The following PCDHGB3 variants were observed in gnomAD, a reference collection of about 807,000 sequenced individuals.
PCDHGB3 encodes the protein protocadherin gamma subfamily B, 3, also known as protocadherin gamma-B3.
In PCDHGB3, 40 loss-of-function variants were observed where a neutral mutation model predicts 59.2. The observed-to-expected ratio is 0.68, with a 90% CI of 0.52 to 0.88. The LOEUF (loss-of-function observed/expected upper bound fraction) is 0.88, where lower values mean the gene tolerates loss of function less well. PCDHGB3 is among the 40% of genes least tolerant of loss of function. The pLI is 0.00. For synonymous variants in PCDHGB3, 581 were observed against 503.6 expected (o/e 1.15, Z -2.06); for missense variants, 1,309 against 1,187.9 (o/e 1.10, Z -1.50).
intron 3 of PCDHGB3, among the ~76,000 whole-genome samples, chr5:141,510,203 G>A (rs1164886289): frequency 6.6e-6 from 1 of 151,680 alleles, no homozygotes; most frequent in Non-Finnish European, 1.5e-5. Flanking sequence ...AGCCCAGGAG[G>A]CAGAGGTTGC....
intron 1 of PCDHGB3, chr5:141,441,743 C>G (rs1298220876): frequency 2.7e-6 from 1 of 367,284 alleles, no homozygotes; most frequent in Non-Finnish European, 5.4e-6. Flanking sequence ...AGCTCGCGCT[C>G]GGCGTCAACG....
chr5:141,433,204 C>T, intron 1 of PCDHGB3: 6 of 1,566,938 alleles, frequency 3.8e-6, no homozygotes, highest in Admixed American at 2.0e-5. Flanking sequence ...ATCAAATCTT[C>T]TTTCTTTTTT....
intron 1 of PCDHGB3, chr5:141,419,427 A>C: frequency 1.2e-6 from 2 of 1,613,290 alleles, no homozygotes; most frequent in Non-Finnish European, 1.7e-6. Context: ...TTCGACCACG[A>C]GCAGCTGCGC....
At position 141,486,637 on chromosome 5, in the gene PCDHGB3, G is replaced by C. The variant is rs761072169; in HGVS notation, c.2416-8170G>C. 28 of 1,613,638 alleles carry C rather than the reference G, an allele frequency of 1.7e-5. No homozygotes were observed. The highest frequency in any genetic ancestry group is 1.1e-5 in the Non-Finnish European group (13 of 1,180,034). ...CTGACCCAGACTCTGGCTTGAATGC[G>C]CTTATCTCCTACTCACTCCTGGAGC... On this transcript the variant is annotated intron_variant, in intron 1 of 3. Transcript: ENST00000576222. This position sits in a 1 kb window ranked among gnomAD's most constrained non-coding sequence, Gnocchi z 5.0.
chr5:141,463,764 G>A (rs2099069094), intron 1 of PCDHGB3, among the ~76,000 whole-genome samples: 1 of 151,916 alleles, frequency 6.6e-6, no homozygotes. Flanking sequence ...TTCTCTTATG[G>A]GTTAGAATCC....
chr5:141,400,521 G>A (rs1462677478), intron 1 of PCDHGB3: 5 of 1,613,972 alleles, frequency 3.1e-6, no homozygotes, highest in Non-Finnish European at 4.2e-6. Context: ...CCCATCCTGA[G>A]TTGGTGAGTT....
chr5:141,441,891 G>A, intron 1 of PCDHGB3: 1 of 348,040 alleles, frequency 2.9e-6, no homozygotes, highest in East Asian at 9.1e-5. Flanking sequence ...TCACCAAGGT[G>A]GTGGCTGTAG....
Position 141,500,858 on chromosome 5 carries a change from A to G in PCDHGB3, c.2475-4535A>G, listed in dbSNP as rs1160743056. Among the ~76,000 whole-genome samples the G allele has an allele frequency of 3.3e-5, 5 of 150,740 alleles. No individual in the cohort carries two copies. The South Asian group carries it at 1.0e-3, about 32-fold the overall frequency. ...TAATGGGCTTTTGCTACATTAGAAA[A>G]CATACACATTCATTTACAATTTTTT... On this transcript the variant is annotated intron_variant, in intron 2 of 3. Coordinates refer to ENST00000576222, the MANE Select transcript of PCDHGB3 (RefSeq NM_018924.5).
chr5:141,472,564 A>G (rs1471933375), intron 1 of PCDHGB3, among the ~76,000 whole-genome samples: 6 of 152,050 alleles, frequency 3.9e-5, no homozygotes, highest in Admixed American at 2.6e-4. Context: ...TATATTATAA[A>G]TGCTGCATCT....
intron 1 of PCDHGB3, among the ~76,000 whole-genome samples, chr5:141,444,006 G>T (rs1279816416): frequency 2.0e-5 from 3 of 152,012 alleles, no homozygotes; most frequent in Non-Finnish European, 4.4e-5. Flanking sequence ...TGCTACCTGG[G>T]TATTGGCTTC....
intron 1 of PCDHGB3, chr5:141,404,658 C>A: frequency 6.2e-7 from 1 of 1,614,198 alleles, no homozygotes; most frequent in Non-Finnish European, 8.5e-7. Flanking sequence ...GCCCTCCCCA[C>A]TGATGGTTCT....
chr5:141,450,569 T>G (rs1325535745), intron 1 of PCDHGB3, among the ~76,000 whole-genome samples: 1 of 149,800 alleles, frequency 6.7e-6, no homozygotes, highest in African/African-American at 2.5e-5. Flanking sequence ...TCACTGCAAC[T>G]TCTGCCTCCC....
intron 1 of PCDHGB3, chr5:141,433,288 G>A (rs2097582001): frequency 5.3e-6 from 6 of 1,136,424 alleles, no homozygotes; most frequent in Non-Finnish European, 7.5e-6. Flanking sequence ...CAAACTCCTA[G>A]GCTCAAGCAA....
intron 1 of PCDHGB3, among the ~76,000 whole-genome samples, chr5:141,484,544 A>G (rs1160398392): frequency 6.6e-6 from 1 of 152,144 alleles, no homozygotes; most frequent in Non-Finnish European, 1.5e-5. Flanking sequence ...CAGTGGTTCT[A>G]ATTAGCAGTT....
Position 141,490,667 on chromosome 5 carries a change from T to C in PCDHGB3, c.2416-4140T>C, listed in dbSNP as rs906656199. The stretch of plus-strand genomic sequence containing the variant: ...CCTCCGGGCTCCCTTCTTTGCACTG[T>C]GGCTGCCTCAGATCCAGACACTGGG... On this transcript the variant is annotated intron_variant, in intron 1 of 3. Transcript: ENST00000576222. This position sits in a 1 kb window ranked among gnomAD's most constrained non-coding sequence, Gnocchi z 5.4. The C allele has an allele frequency of 6.8e-6, 11 of 1,614,206 alleles. 1 individual carries two copies. The highest frequency in any genetic ancestry group is 4.5e-5 in the East Asian group (2 of 44,876).
intron 1 of PCDHGB3, chr5:141,423,051 CCTG>C (rs771403541): frequency 2.5e-6 from 4 of 1,614,208 alleles, no homozygotes; most frequent in Admixed American, 1.7e-5. Flanking sequence ...TGTCCTATCG[CCTG>C]CTTAAGGCCA....
At position 141,372,451 on chromosome 5, in the gene PCDHGB3, C is replaced by A. The variant is rs749000608; in HGVS notation, c.2057C>A (p.Ala686Glu). The A allele has an allele frequency of 6.2e-7, 1 of 1,614,042 alleles. No homozygotes were observed. The highest frequency in any genetic ancestry group is 2.2e-5 in the East Asian group (1 of 44,878). ...CGCCCCACTCCCTCTGACCCTCAGGCGGAGCTACAGTTTCACCTAGTAGTG... is the reference window on the plus strand; with the variant it reads ...CGCCCCACTCCCTCTGACCCTCAGGAGGAGCTACAGTTTCACCTAGTAGTG... ...SDRPTPSDPQ[A>E]ELQFHLVVAL... Residue 686 changes from alanine (A) to glutamate (E), a missense_variant, in exon 1 of 4, where the codon GCG (alanine) becomes GAG (glutamate). Transcript: ENST00000576222.
rs754953894 is a variant in PCDHGB3 at position 141,409,856 on chromosome 5, G to T, written c.2415+37047G>T. 4.0e-5 allele frequency: 64 copies of T among 1,612,232 alleles called. No individual in the cohort carries two copies. Among genetic ancestry groups the T allele is most frequent in the Non-Finnish European group, 5.3e-5 (62 of 1,179,390 alleles). On this transcript the variant is annotated intron_variant, in intron 1 of 3. Coordinates refer to ENST00000576222, the MANE Select transcript of PCDHGB3 (RefSeq NM_018924.5). ...CGCCAACGTGAGCCTGCGCGTGTTG[G>T]TGGGAGACCGCAATGACAACGCACC... is the stretch of plus-strand genomic sequence containing the variant.
chr5:141,460,741 A>C (rs1378900827), intron 1 of PCDHGB3, among the ~76,000 whole-genome samples: 1 of 152,128 alleles, frequency 6.6e-6, no homozygotes, highest in African/African-American at 2.4e-5. Flanking sequence ...CACATTGTAT[A>C]TATATGTGTA....
Sources: gnomAD v4.1 joint callset for allele counts (sites outside exome capture counted in the v4.1 genomes callset) on GRCh38, gnomAD v4.1.1 for gene constraint, Gnocchi (gnomAD v3.1) non-coding constraint, MANE v1.5 for transcripts, NCBI Gene and HGNC (gene_info 2026-07-23, HGNC 2026-07-21) for gene names.